SUCLG2: variants seen among roughly 807,000 people sequenced by gnomAD.
SUCLG2 encodes succinate-CoA ligase GDP-forming subunit beta.
Under a neutral mutation model 47.9 loss-of-function variants are expected in SUCLG2, and 42 were observed. That is an observed-to-expected ratio of 0.88 (90% CI 0.69 to 1.14). The LOEUF is 1.14. Among genes scored for constraint, SUCLG2 ranks in the 50% most tolerant of loss-of-function variants. The pLI is 0.00. For synonymous variants in SUCLG2, 195 were observed against 197.3 expected, an observed-to-expected ratio of 0.99 and a Z score of 0.10; for missense variants, 571 against 525.9, an observed-to-expected ratio of 1.09 and a Z score of -0.84.
chr3:67,416,830 T>A (rs1289307809), intron 9 of SUCLG2, among the ~76,000 whole-genome samples: 3 of 152,216 alleles, frequency 2.0e-5, no homozygotes, highest in African/African-American at 7.2e-5. Flanking sequence ...TTGAAAATTA[T>A]TAAAATATCT....
intron 9 of SUCLG2, among the ~76,000 whole-genome samples, chr3:67,492,224 T>C (rs1467318618): frequency 6.6e-6 from 1 of 152,232 alleles, no homozygotes; most frequent in Non-Finnish European, 1.5e-5. Flanking sequence ...TGCTTATCTT[T>C]GGCCAACAGA....
Position 67,395,493 on chromosome 3 carries a change from C to A in SUCLG2, c.1183+5238G>T, listed in dbSNP as rs1702502831. Among the ~76,000 whole-genome samples, 3 of 152,174 alleles carry A rather than the reference C, an allele frequency of 2.0e-5. No homozygotes were observed. The South Asian group carries it at 6.2e-4, about 32-fold the overall frequency. On this transcript the variant is annotated intron_variant, in intron 10 of 10. Transcript: ENST00000307227. ...ACTAACTATCCTAAATATATATGCA[C>A]CCAATACAGGAGCACCCAGATTCAT...
At chr3:67,606,969 GAAC>G (rs1159210685) in intron 2 of SUCLG2, among the ~76,000 whole-genome samples, 3 of 152,154 alleles carry the variant, frequency 2.0e-5, no homozygotes, top group African/African-American at 7.2e-5. Flanking sequence ...AAAGTTCAAA[GAAC>G]AACAATTACT....
At chr3:67,576,300 ACT>A (rs1348327246) in intron 2 of SUCLG2, among the ~76,000 whole-genome samples, 1 of 151,664 alleles carries the variant, frequency 6.6e-6, no homozygotes, top group Non-Finnish European at 1.5e-5. Flanking sequence ...TAACCTAGCG[ACT>A]CTCTGAAGAG....
chr3:67,441,595 CA>C (rs1481298857), intron 9 of SUCLG2, among the ~76,000 whole-genome samples: 1 of 152,170 alleles, frequency 6.6e-6, no homozygotes. Context: ...CCTGTATTTC[CA>C]ACCCTCAAAA....
At chr3:67,596,916 G>A in intron 2 of SUCLG2, among the ~76,000 whole-genome samples, 1 of 152,074 alleles carries the variant, frequency 6.6e-6, no homozygotes, top group South Asian at 2.1e-4. Flanking sequence ...AGCATATTTG[G>A]GACACCTTTA....
intron 2 of SUCLG2, among the ~76,000 whole-genome samples, chr3:67,562,960 A>G (rs1481102702): frequency 6.6e-6 from 1 of 151,878 alleles, no homozygotes; most frequent in Non-Finnish European, 1.5e-5. Flanking sequence ...GGAAAACTAT[A>G]TAATTTACAC....
intron 9 of SUCLG2, among the ~76,000 whole-genome samples, chr3:67,455,818 A>C (rs1704170644): frequency 6.6e-6 from 1 of 152,184 alleles, no homozygotes; most frequent in Non-Finnish European, 1.5e-5. Context: ...TCTACTACCC[A>C]GTGTTTCAAT....
chr3:67,501,848 C>G (rs921785943), intron 7 of SUCLG2, among the ~76,000 whole-genome samples: 1 of 152,080 alleles, frequency 6.6e-6, no homozygotes, highest in African/African-American at 2.4e-5. Context: ...TACCCTGCCC[C>G]ATATACCTCT....
At chr3:67,469,145 TA>T (rs1415318871) in intron 9 of SUCLG2, among the ~76,000 whole-genome samples, 1 of 152,110 alleles carries the variant, frequency 6.6e-6, no homozygotes, top group Non-Finnish European at 1.5e-5. Context: ...AGCAGATGTA[TA>T]AAATGGGCAT....
intron 1 of SUCLG2, among the ~76,000 whole-genome samples, chr3:67,627,659 A>G (rs2107346590): frequency 6.6e-6 from 1 of 152,336 alleles, no homozygotes; most frequent in South Asian, 2.1e-4. Flanking sequence ...TAGGGAGACT[A>G]AAGGGCTGGC....
intron 9 of SUCLG2, among the ~76,000 whole-genome samples, chr3:67,473,451 T>G (rs1704654700): frequency 6.6e-6 from 1 of 152,156 alleles, no homozygotes; most frequent in African/African-American, 2.4e-5. Context: ...GCACCAGTGA[T>G]GAAGAATAGA....
At chr3:67,554,093 T>C (rs1459589216) in intron 2 of SUCLG2, among the ~76,000 whole-genome samples, 1 of 152,062 alleles carries the variant, frequency 6.6e-6, no homozygotes, top group Non-Finnish European at 1.5e-5. Context: ...TCGGGGTAGG[T>C]GTGATTTTTT....
At chr3:67,553,104 A>G (rs1707061633) in intron 2 of SUCLG2, among the ~76,000 whole-genome samples, 1 of 152,224 alleles carries the variant, frequency 6.6e-6, no homozygotes, top group Non-Finnish European at 1.5e-5. Flanking sequence ...AGAAGTGGAT[A>G]TGAATGTTAT....
At chr3:67,411,955 C>A (rs544078848) in intron 9 of SUCLG2, among the ~76,000 whole-genome samples, 3 of 152,256 alleles carry the variant, frequency 2.0e-5, no homozygotes, top group Middle Eastern at 6.8e-3. Context: ...AATCCCTGGG[C>A]AGGGCTGGTG....
At chr3:67,536,326 GATC>G (rs1390782079) in intron 2 of SUCLG2, among the ~76,000 whole-genome samples, 1 of 152,186 alleles carries the variant, frequency 6.6e-6, no homozygotes, top group Non-Finnish European at 1.5e-5. Flanking sequence ...TAATTTCAGA[GATC>G]ATCTACCTTC....
At chr3:67,589,679 C>A (rs1467445835) in intron 2 of SUCLG2, among the ~76,000 whole-genome samples, 1 of 152,204 alleles carries the variant, frequency 6.6e-6, no homozygotes, top group East Asian at 1.9e-4. Flanking sequence ...GAAGCATCTG[C>A]TGTCCTCTAA....
intron 1 of SUCLG2, among the ~76,000 whole-genome samples, chr3:67,648,401 C>G (rs1368785934): frequency 6.6e-6 from 1 of 152,184 alleles, no homozygotes; most frequent in Non-Finnish European, 1.5e-5. Context: ...GAGTGTCACT[C>G]AAGGGCAAAA....
intron 2 of SUCLG2, among the ~76,000 whole-genome samples, chr3:67,541,261 A>C (rs1348003784): frequency 6.6e-6 from 1 of 152,118 alleles, no homozygotes; most frequent in Non-Finnish European, 1.5e-5. Context: ...AACTCCTCTG[A>C]ACTAAAGAAG....
Sources: gnomAD v4.1 joint callset for allele counts (sites outside exome capture counted in the v4.1 genomes callset) on GRCh38, gnomAD v4.1.1 for gene constraint, MANE v1.5 for transcripts, NCBI Gene and HGNC (gene_info 2026-07-23, HGNC 2026-07-21) for gene names.